TNNI3K: variants seen among roughly 807,000 people sequenced by gnomAD.
The protein encoded by TNNI3K is TNNI3 interacting kinase.
In TNNI3K, 140 loss-of-function variants were observed where a neutral mutation model predicts 114.5. That is an observed-to-expected ratio of 1.22 (90% CI 1.07 to 1.41). The LOEUF (loss-of-function observed/expected upper bound fraction) is 1.41. Among genes scored for constraint, TNNI3K ranks in the 40% most tolerant of loss-of-function variants. The pLI, the probability that TNNI3K is intolerant of heterozygous loss-of-function variation, is 0.00. For missense variants in TNNI3K, 1,125 were observed against 1,007.6 expected (o/e 1.12, Z -1.58); for synonymous variants, 347 against 347.5 (o/e 1.00, Z 0.02).
At chr1:74,288,321 A>C (rs1657457866) in intron 5 of TNNI3K, among the ~76,000 whole-genome samples, 1 of 152,172 alleles carries the variant, frequency 6.6e-6, no homozygotes, top group South Asian at 2.1e-4. Context: ...AACATTATTC[A>C]CAATAGCCAA....
intron 17 of TNNI3K, among the ~76,000 whole-genome samples, chr1:74,404,014 C>A (rs1462472834): frequency 1.3e-5 from 2 of 152,012 alleles, no homozygotes; most frequent in Admixed American, 6.6e-5. Flanking sequence ...AACCTGGACC[C>A]CACTGCCCAC....
At chr1:74,296,153 G>A (rs1226245030) in intron 5 of TNNI3K, among the ~76,000 whole-genome samples, 1 of 151,954 alleles carries the variant, frequency 6.6e-6, no homozygotes, top group East Asian at 1.9e-4. Flanking sequence ...GCGGGCGCCT[G>A]TAGTCCCAGC....
intron 6 of TNNI3K, among the ~76,000 whole-genome samples, chr1:74,333,918 G>C (rs1055196781): frequency 6.6e-6 from 1 of 152,188 alleles, no homozygotes; most frequent in Non-Finnish European, 1.5e-5. Context: ...AGGCATGCAA[G>C]GTTCTTGAAA....
chr1:74,451,683 T>TTTTCTTTTC (rs1553148031), intron 20 of TNNI3K, among the ~76,000 whole-genome samples: 10 of 76,284 alleles, frequency 1.3e-4, no homozygotes, highest in Admixed American at 3.7e-4. Flanking sequence ...TTTTCTTTTC[T>TTTTCTTTTC]TTTCTTTCTT....
chr1:74,254,409 C>A (rs2100856411), intron 4 of TNNI3K, among the ~76,000 whole-genome samples: 1 of 152,290 alleles, frequency 6.6e-6, no homozygotes, highest in Non-Finnish European at 1.5e-5. Context: ...AGGATTCAAT[C>A]CACAATCATG....
intron 5 of TNNI3K, among the ~76,000 whole-genome samples, chr1:74,283,833 C>G (rs945177046): frequency 6.6e-6 from 1 of 151,984 alleles, no homozygotes; most frequent in African/African-American, 2.4e-5. Context: ...TTGTATAATT[C>G]ATGTTATTAA....
chr1:74,425,015 G>A (rs767509541), intron 17 of TNNI3K, among the ~76,000 whole-genome samples: 4 of 152,094 alleles, frequency 2.6e-5, no homozygotes, highest in African/African-American at 4.8e-5. Context: ...GTCTCAATTG[G>A]TGCAGGCTAG....
At chr1:74,520,073 T>C (rs773249073) in intron 23 of TNNI3K, among the ~76,000 whole-genome samples, 1 of 152,144 alleles carries the variant, frequency 6.6e-6, no homozygotes, top group African/African-American at 2.4e-5. Flanking sequence ...TCTTTAATGG[T>C]GATTTGTGAG....
chr1:74,331,618 G>T, intron 6 of TNNI3K, 70 bp downstream of exon 6: 1 of 1,303,532 alleles, frequency 7.7e-7, no homozygotes. Context: ...AATTGTCCTA[G>T]CTTCAAAGAG....
intron 7 of TNNI3K, among the ~76,000 whole-genome samples, chr1:74,337,141 A>T (rs1176276619): frequency 6.6e-6 from 1 of 151,986 alleles, no homozygotes; most frequent in Non-Finnish European, 1.5e-5. Context: ...GGCTGCATAA[A>T]TGTCTTCTTT....
At chr1:74,532,426 G>A (rs1397601204) in intron 23 of TNNI3K, among the ~76,000 whole-genome samples, 1 of 151,704 alleles carries the variant, frequency 6.6e-6, no homozygotes, top group African/African-American at 2.4e-5. Flanking sequence ...AATGGTAACT[G>A]AACAATAGTT....
chr1:74,334,566 A>C (rs1660371199), intron 6 of TNNI3K, among the ~76,000 whole-genome samples: 1 of 152,168 alleles, frequency 6.6e-6, no homozygotes, highest in Admixed American at 6.5e-5. Flanking sequence ...AGTTATTTGG[A>C]AAGTTCTTAA....
chr1:74,412,223 A>G (rs1407267656), intron 17 of TNNI3K, among the ~76,000 whole-genome samples: 1 of 152,040 alleles, frequency 6.6e-6, no homozygotes, highest in East Asian at 1.9e-4. Flanking sequence ...TTTCCAGACT[A>G]TGTAATTAAT....
intron 9 of TNNI3K, among the ~76,000 whole-genome samples, chr1:74,347,719 T>A (rs1410261955): frequency 1.3e-5 from 2 of 152,206 alleles, no homozygotes; most frequent in African/African-American, 2.4e-5. Flanking sequence ...GGTATCTCAT[T>A]GTGGTTTTGA....
At chr1:74,450,631 C>G (rs184165695) in intron 20 of TNNI3K, among the ~76,000 whole-genome samples, 2 of 151,972 alleles carry the variant, frequency 1.3e-5, no homozygotes, top group Admixed American at 6.6e-5. Context: ...GTGCGGCCAA[C>G]AAACATACAA....
chr1:74,240,860 C>T (rs1654151372), intron 2 of TNNI3K: 1 of 151,572 alleles, frequency 6.6e-6, no homozygotes, highest in African/African-American at 2.4e-5. Context: ...TATACATGTG[C>T]CATGTTGGTG....
intron 20 of TNNI3K, among the ~76,000 whole-genome samples, chr1:74,454,088 A>G (rs1347032344): frequency 6.6e-6 from 1 of 152,110 alleles, no homozygotes; most frequent in African/African-American, 2.4e-5. Context: ...TTATGTTATT[A>G]TGGATACATA....
intron 23 of TNNI3K, among the ~76,000 whole-genome samples, chr1:74,509,848 G>C (rs1347040087): frequency 7.1e-6 from 1 of 140,698 alleles, no homozygotes; most frequent in East Asian, 2.3e-4. Flanking sequence ...AACTTCCCCA[G>C]GCTCAGGTGA....
chr1:74,486,911 C>T (rs1202533357), intron 21 of TNNI3K, among the ~76,000 whole-genome samples: 2 of 152,174 alleles, frequency 1.3e-5, no homozygotes, highest in Non-Finnish European at 2.9e-5. Context: ...GAAATGACCA[C>T]TGAGATGTAA....
Sources: gnomAD v4.1 joint callset for allele counts (sites outside exome capture counted in the v4.1 genomes callset) on GRCh38, gnomAD v4.1.1 for gene constraint, MANE v1.5 for transcripts, NCBI Gene and HGNC (gene_info 2026-07-23, HGNC 2026-07-21) for gene names.